LRP1B: variants seen among roughly 807,000 people sequenced by gnomAD.
The protein encoded by LRP1B is low-density lipoprotein receptor-related protein 1B.
Under a neutral mutation model 556.6 loss-of-function variants are expected in LRP1B, and 217 were observed. That is an observed-to-expected ratio of 0.39 (90% CI 0.35 to 0.44). The LOEUF is 0.44. LRP1B is among the 20% of genes least tolerant of loss of function. The probability of loss-of-function intolerance (pLI) is 1.00; values close to 1 mark genes in which losing one functional copy is unlikely to be tolerated. For synonymous variants in LRP1B, 2,047 were observed against 1,865.8 expected, an observed-to-expected ratio of 1.10 and a Z score of -2.50; for missense variants, 5,053 against 5,620.8, an observed-to-expected ratio of 0.90 and a Z score of 3.23.
intron 7 of LRP1B, among the ~76,000 whole-genome samples, chr2:141,143,306 T>C (rs1245336485): frequency 6.6e-6 from 1 of 152,120 alleles, no homozygotes; most frequent in Non-Finnish European, 1.5e-5. Flanking sequence ...GTCCTGTTTA[T>C]GTAGGGATAG....
chr2:141,487,864 A>G (rs1002250301), intron 2 of LRP1B, among the ~76,000 whole-genome samples: 1 of 152,172 alleles, frequency 6.6e-6, no homozygotes, highest in African/African-American at 2.4e-5. Context: ...TCTGAGTTTC[A>G]ACAGCCATTT....
At position 140,370,777 on chromosome 2, in the gene LRP1B, T is replaced by A; in HGVS notation, c.10941A>T (p.Pro3647=). 2 of 1,612,852 alleles carry A rather than the reference T, an allele frequency of 1.2e-6. 1 individual carries two copies. Among genetic ancestry groups the A allele is most frequent in the Non-Finnish European group, 1.7e-6 (2 of 1,179,206 alleles). ...FRCKNKAHCI[P]IRWLCDGIHD... ...GAATTCCATCACACAGCCATCTAAT[T>A]GGAATACAGTGGGCTTTATTTTTGC... The change falls in exon 71 of 91, where the codon CCA becomes CCT. Residue 3647 remains proline (P), a synonymous_variant. Transcript: ENST00000389484.
chr2:140,927,080 C>A (rs545297067), intron 20 of LRP1B, among the ~76,000 whole-genome samples: 1 of 152,266 alleles, frequency 6.6e-6, no homozygotes, highest in African/African-American at 2.4e-5. Context: ...CCAAGGCAGG[C>A]AGATCACCTG....
At chr2:141,161,627 T>C (rs545366156) in intron 7 of LRP1B, among the ~76,000 whole-genome samples, 1 of 152,274 alleles carries the variant, frequency 6.6e-6, no homozygotes, top group East Asian at 1.9e-4. Context: ...GATTGTTGTA[T>C]AGCAAATAGC....
chr2:140,535,505 T>G (rs1690912566), intron 46 of LRP1B, among the ~76,000 whole-genome samples: 1 of 152,152 alleles, frequency 6.6e-6, no homozygotes, highest in Non-Finnish European at 1.5e-5. Context: ...ACAGATTCTG[T>G]CTTTCTCTTA....
intron 27 of LRP1B, among the ~76,000 whole-genome samples, chr2:140,858,470 A>T (rs1472591327): frequency 6.8e-6 from 1 of 146,444 alleles, no homozygotes; most frequent in African/African-American, 2.5e-5. Context: ...TAAAAAAATT[A>T]TTTTATATAT....
chr2:141,514,584 G>A (rs1045092589), intron 2 of LRP1B, among the ~76,000 whole-genome samples: 5 of 152,076 alleles, frequency 3.3e-5, no homozygotes, highest in African/African-American at 4.8e-5. Context: ...GAGCCATAAC[G>A]GTACATGCAA....
intron 72 of LRP1B, among the ~76,000 whole-genome samples, chr2:140,361,784 A>AT (rs1446486154): frequency 6.6e-6 from 1 of 151,416 alleles, no homozygotes; most frequent in Non-Finnish European, 1.5e-5. Flanking sequence ...ATTGTATTTA[A>AT]TACCACATTT....
intron 3 of LRP1B, among the ~76,000 whole-genome samples, chr2:141,464,606 A>ATATATATATATATATATTT: frequency 1.1e-5 from 1 of 90,544 alleles, no homozygotes; most frequent in South Asian, 3.2e-4. Context: ...ATATATATAT[A>ATATATATATATATATATTT]TTTTTTTAGT....
intron 7 of LRP1B, among the ~76,000 whole-genome samples, chr2:141,065,256 C>A (rs926914133): frequency 6.6e-6 from 1 of 151,860 alleles, no homozygotes; most frequent in African/African-American, 2.4e-5. Context: ...CACTCTATTC[C>A]TAAACACTTC....
At chr2:141,088,612 G>A (rs1359907651) in intron 7 of LRP1B, among the ~76,000 whole-genome samples, 1 of 152,114 alleles carries the variant, frequency 6.6e-6, no homozygotes, top group South Asian at 2.1e-4. Context: ...TATGCCATAG[G>A]ATGACTACTA....
At chr2:140,901,196 AG>A (rs146925053) in intron 23 of LRP1B, among the ~76,000 whole-genome samples, 5,938 of 152,174 alleles carry the variant, frequency 0.039, 176 homozygotes, top group South Asian at 0.089. Flanking sequence ...TCGATTGGAC[AG>A]GTGGCTAATC....
At chr2:140,283,797 G>T (rs1431159337) in intron 84 of LRP1B, among the ~76,000 whole-genome samples, 1 of 151,684 alleles carries the variant, frequency 6.6e-6, no homozygotes. Context: ...ACTTATAGGA[G>T]GTATTCATAA....
At chr2:141,668,475 G>A (rs1377753910) in intron 2 of LRP1B, among the ~76,000 whole-genome samples, 1 of 152,172 alleles carries the variant, frequency 6.6e-6, no homozygotes, top group African/African-American at 2.4e-5. Context: ...GAAGAGAAGA[G>A]GAACAGAAAG....
Position 141,642,029 on chromosome 2 carries a change from C to T in LRP1B, c.206-161496G>A, listed in dbSNP as rs183527353. Among the ~76,000 whole-genome samples the T allele has an allele frequency of 8.5e-5, 13 of 152,060 alleles. No individual in the cohort carries two copies. In the South Asian group the frequency reaches 1.0e-3, roughly 12 times the overall value. On this transcript the variant is annotated intron_variant, in intron 2 of 90. Coordinates refer to ENST00000389484, the MANE Select transcript of LRP1B (RefSeq NM_018557.3). The stretch of plus-strand genomic sequence containing the variant: ...CAAAACCCCCCCCCAAAAAACAAGT[C>T]TAGATTTGAAGTCACACCAGAATTT...
intron 60 of LRP1B, among the ~76,000 whole-genome samples, chr2:140,463,188 G>A (rs112876416): frequency 6.6e-6 from 1 of 152,094 alleles, no homozygotes; most frequent in Non-Finnish European, 1.5e-5. Context: ...GGGAGGGTGG[G>A]TGGATAATGG....
chr2:141,108,352 T>C (rs1304394605), intron 7 of LRP1B, among the ~76,000 whole-genome samples: 1 of 135,790 alleles, frequency 7.4e-6, no homozygotes, highest in African/African-American at 2.9e-5. Flanking sequence ...TTTTTTTTTT[T>C]TTTTTTTTTT....
At chr2:140,739,475 G>A (rs933495417) in intron 35 of LRP1B, among the ~76,000 whole-genome samples, 1 of 152,074 alleles carries the variant, frequency 6.6e-6, no homozygotes, top group Non-Finnish European at 1.5e-5. Flanking sequence ...GAAATTCAGA[G>A]GTTGTACATA....
In LRP1B at chr2:141,367,728, C is replaced by T. The variant is rs561990935; in HGVS notation, c.343+112668G>A. ...CGATCTCCTGTCCTCATGATCCACC[C>T]GCCTCAGCCTCCCAAAGTGCTGTGC... On this transcript the variant is annotated intron_variant, in intron 3 of 90. Transcript: ENST00000389484. Among the ~76,000 whole-genome samples, 4 of 151,794 alleles carry T rather than the reference C, an allele frequency of 2.6e-5. No homozygotes were observed. In the East Asian group the frequency reaches 5.8e-4, roughly 22 times the overall value.
Sources: allele counts gnomAD v4.1 joint callset (sites outside exome capture counted in the v4.1 genomes callset), GRCh38; gene constraint gnomAD v4.1.1; transcripts MANE v1.5; gene names NCBI Gene and HGNC (gene_info 2026-07-23, HGNC 2026-07-21).